Variants in ATP8A2 observed in about 807,000 individuals in gnomAD.
ATP8A2 encodes ATPase phospholipid transporting 8A2.
In ATP8A2, 100 loss-of-function variants were observed where a neutral mutation model predicts 165.6. That is an observed-to-expected ratio of 0.60 (90% CI 0.51 to 0.71). The LOEUF is 0.71. Among genes scored for constraint, ATP8A2 ranks in the 30% least tolerant of loss-of-function variants. The probability of loss-of-function intolerance (pLI) is 0.00; values close to 1 mark genes in which losing one functional copy is unlikely to be tolerated. For missense variants in ATP8A2, 1,227 were observed against 1,479.5 expected, an observed-to-expected ratio of 0.83 and a Z score of 2.80; for synonymous variants, 543 against 548.8, an observed-to-expected ratio of 0.99 and a Z score of 0.15.
chr13:25,411,715 A>G (rs2033971392), intron 1 of ATP8A2, among the ~76,000 whole-genome samples: 1 of 152,190 alleles, frequency 6.6e-6, no homozygotes, highest in African/African-American at 2.4e-5. Flanking sequence ...ACACATACAT[A>G]TTTATATATA....
chr13:25,716,198 T>A (rs1482994233), intron 25 of ATP8A2, among the ~76,000 whole-genome samples: 4 of 152,256 alleles, frequency 2.6e-5, no homozygotes, highest in South Asian at 2.1e-4. Flanking sequence ...CACTGAGTTG[T>A]AGCAATTCTT....
At chr13:25,718,587 G>A (rs1346050783) in intron 25 of ATP8A2, among the ~76,000 whole-genome samples, 1 of 152,152 alleles carries the variant, frequency 6.6e-6, no homozygotes, top group Non-Finnish European at 1.5e-5. Flanking sequence ...ACTTGATGAG[G>A]TGCAGAAGTT....
chr13:25,403,012 C>CATTT (rs2033686592), intron 1 of ATP8A2, among the ~76,000 whole-genome samples: 1 of 152,084 alleles, frequency 6.6e-6, no homozygotes, highest in Non-Finnish European at 1.5e-5. Context: ...TCCCTGAATC[C>CATTT]CTTTTATAAG....
intron 2 of ATP8A2, among the ~76,000 whole-genome samples, chr13:25,489,491 A>T (rs1023924796): frequency 6.6e-6 from 1 of 152,130 alleles, no homozygotes; most frequent in Admixed American, 6.5e-5. Context: ...GGAACTTAGC[A>T]TGCTGCACCA....
At chr13:25,585,844 G>A (rs1008405305) in intron 23 of ATP8A2, among the ~76,000 whole-genome samples, 1 of 152,150 alleles carries the variant, frequency 6.6e-6, no homozygotes, top group Non-Finnish European at 1.5e-5. Flanking sequence ...ATTCAGTCCT[G>A]TATTTCTTGA....
chr13:25,646,152 G>A (rs1254702381), intron 24 of ATP8A2, among the ~76,000 whole-genome samples: 1 of 152,132 alleles, frequency 6.6e-6, no homozygotes, highest in Admixed American at 6.5e-5. Context: ...TGAACCCATT[G>A]TTATTATATA....
At chr13:25,385,367 C>T (rs911900222) in intron 1 of ATP8A2, among the ~76,000 whole-genome samples, 5 of 152,146 alleles carry the variant, frequency 3.3e-5, no homozygotes, top group African/African-American at 9.7e-5. Flanking sequence ...GGGGAAGTTA[C>T]CTAATTCGCT....
chr13:25,981,346 A>G (rs1395598158), intron 35 of ATP8A2, among the ~76,000 whole-genome samples: 1 of 152,238 alleles, frequency 6.6e-6, no homozygotes, highest in Non-Finnish European at 1.5e-5. Flanking sequence ...ACATAATATA[A>G]CAGTCACATG....
chr13:25,618,110 T>C (rs1463545806), intron 24 of ATP8A2, among the ~76,000 whole-genome samples: 2 of 152,206 alleles, frequency 1.3e-5, no homozygotes, highest in Non-Finnish European at 2.9e-5. Context: ...ACATAAGTCT[T>C]ATGCTTCCTT....
chr13:25,581,561 A>C (rs115733907), intron 22 of ATP8A2, among the ~76,000 whole-genome samples: 1 of 152,170 alleles, frequency 6.6e-6, no homozygotes, highest in African/African-American at 2.4e-5. Context: ...CTGCTGCCAG[A>C]TGGCTTCTAT....
intron 2 of ATP8A2, among the ~76,000 whole-genome samples, chr13:25,485,833 C>T (rs984292908): frequency 6.6e-6 from 1 of 152,108 alleles, no homozygotes; most frequent in African/African-American, 2.4e-5. Context: ...TCAGGACTGC[C>T]CCAGGGAGCA....
At chr13:25,725,721 A>G (rs920080473) in intron 25 of ATP8A2, among the ~76,000 whole-genome samples, 1 of 152,114 alleles carries the variant, frequency 6.6e-6, no homozygotes, top group Non-Finnish European at 1.5e-5. Flanking sequence ...GCCTTGTTGA[A>G]TGCTTTTTGT....
chr13:25,646,505 A>T (rs2041674421), intron 24 of ATP8A2, among the ~76,000 whole-genome samples: 1 of 151,852 alleles, frequency 6.6e-6, no homozygotes, highest in Non-Finnish European at 1.5e-5. Context: ...AATACAAAAA[A>T]ATTAGCCAGG....
At chr13:25,699,910 C>T (rs571921248) in intron 25 of ATP8A2, among the ~76,000 whole-genome samples, 17 of 149,738 alleles carry the variant, frequency 1.1e-4, no homozygotes, top group African/African-American at 4.2e-4. Flanking sequence ...ATGTGGAGGT[C>T]TAGTTCTGAT....
At chr13:26,005,304 T>C (rs758890101) in intron 35 of ATP8A2, among the ~76,000 whole-genome samples, 2 of 152,064 alleles carry the variant, frequency 1.3e-5, no homozygotes, top group African/African-American at 2.4e-5. Context: ...GTCTCAACTT[T>C]CAATTCTCAC....
chr13:25,641,427 G>C (rs558896320), intron 24 of ATP8A2, among the ~76,000 whole-genome samples: 1 of 152,156 alleles, frequency 6.6e-6, no homozygotes, highest in African/African-American at 2.4e-5. Flanking sequence ...CAAAATCAAT[G>C]TGCAAAAATC....
At chr13:25,844,488 C>G (rs1951815466) in intron 30 of ATP8A2, among the ~76,000 whole-genome samples, 1 of 152,134 alleles carries the variant, frequency 6.6e-6, no homozygotes, top group Non-Finnish European at 1.5e-5. Flanking sequence ...CTCGGCTTCC[C>G]AAAGGGCTGG....
intron 1 of ATP8A2, among the ~76,000 whole-genome samples, chr13:25,382,662 T>C (rs2032880146): frequency 6.6e-6 from 1 of 152,232 alleles, no homozygotes; most frequent in Non-Finnish European, 1.5e-5. Flanking sequence ...TATTTAAATT[T>C]GTGATTTTCT....
intron 1 of ATP8A2, among the ~76,000 whole-genome samples, chr13:25,445,011 A>G (rs940263687): frequency 9.2e-5 from 14 of 152,114 alleles, no homozygotes; most frequent in South Asian, 2.1e-4. Context: ...CCTTTTGCAC[A>G]TTTGCTTTTC....
Sources: allele counts gnomAD v4.1 joint callset (sites outside exome capture counted in the v4.1 genomes callset), GRCh38; gene constraint gnomAD v4.1.1; transcripts MANE v1.5; gene names NCBI Gene and HGNC (gene_info 2026-07-23, HGNC 2026-07-21).